Variants in PTPRK observed in about 807,000 individuals in gnomAD.
PTPRK encodes the protein protein tyrosine phosphatase receptor type K.
Under a neutral mutation model 178.0 loss-of-function variants are expected in PTPRK, and 75 were observed. The ratio of observed to expected loss-of-function variants is 0.42; its 90% confidence interval spans 0.35 to 0.51. The LOEUF is 0.51. Ranked by LOEUF, PTPRK falls within the 20% of genes least tolerant of loss-of-function variation. The probability of loss-of-function intolerance (pLI) is 0.02; values close to 1 mark genes in which losing one functional copy is unlikely to be tolerated. For synonymous variants in PTPRK, 637 were observed against 620.6 expected, an observed-to-expected ratio of 1.03 and a Z score of -0.39; for missense variants, 1,441 against 1,797.8, an observed-to-expected ratio of 0.80 and a Z score of 3.59.
intron 25 of PTPRK, among the ~76,000 whole-genome samples, chr6:127,978,247 C>T (rs1356424889): frequency 1.3e-5 from 2 of 152,150 alleles, no homozygotes; most frequent in Non-Finnish European, 2.9e-5. Context: ...CTCTGTGTCC[C>T]CACCCAAATC....
chr6:128,208,298 CAA>C lies in PTPRK; in HGVS notation c.868+10622_868+10623del, dbSNP rs3058186. On this transcript the variant is annotated intron_variant, in intron 6 of 29. Coordinates refer to ENST00000368226, the MANE Select transcript of PTPRK (RefSeq NM_002844.4). ...CTGTTAGCCAAAAGTCCTACACCCTCAAAAAAAAAAAAAAAAAATTCCCTCTC... is the reference window on the plus strand; with the variant it reads ...CTGTTAGCCAAAAGTCCTACACCCTCAAAAAAAAAAAAAAAATTCCCTCTC... Among the ~76,000 whole-genome samples the C allele has an allele frequency of 9.9e-4, 104 of 104,972 alleles. 1 individual carries two copies. The highest frequency in any genetic ancestry group is 2.3e-3 in the African/African-American group (68 of 30,146). 68.9% of individuals were successfully genotyped at this position (104,972 alleles called of 152,430 possible).
intron 2 of PTPRK, among the ~76,000 whole-genome samples, chr6:128,370,663 T>C (rs1267559669): frequency 6.6e-6 from 1 of 152,166 alleles, no homozygotes; most frequent in African/African-American, 2.4e-5. Context: ...CAAATTTTTA[T>C]ATAAAAGTCC....
At chr6:128,159,745 A>G (rs1798429581) in intron 7 of PTPRK, among the ~76,000 whole-genome samples, 1 of 151,732 alleles carries the variant, frequency 6.6e-6, no homozygotes, top group Non-Finnish European at 1.5e-5. Context: ...GGTACCAATA[A>G]AGTCTATTTC....
intron 6 of PTPRK, 123 bp downstream of exon 6, chr6:128,218,799 A>G (rs2128271658): frequency 2.2e-6 from 2 of 916,568 alleles, no homozygotes; most frequent in African/African-American, 3.4e-5. Flanking sequence ...ATGATGATAT[A>G]TTTTTTATAG....
At chr6:128,244,200 G>A (rs934012907) in intron 3 of PTPRK, among the ~76,000 whole-genome samples, 2 of 152,182 alleles carry the variant, frequency 1.3e-5, no homozygotes, top group Admixed American at 1.3e-4. Context: ...ATTTGCCTAT[G>A]ATAACACACA....
Position 128,061,484 on chromosome 6 carries a change from G to A in PTPRK, c.2194+3274C>T, listed in dbSNP as rs185393760. Among the ~76,000 whole-genome samples, 55 of 152,046 alleles carry A rather than the reference G, an allele frequency of 3.6e-4. 1 individual carries two copies. In the East Asian group the frequency reaches 5.4e-3, roughly 15 times the overall value. On this transcript the variant is annotated intron_variant, in intron 13 of 29. Transcript: ENST00000368226. ...ATTGATCTAAATACAAAGGATATTA[G>A]GAAAGCAAGGTTCTAGCAAGGTTCT...
chr6:128,369,921 C>A (rs950415272), intron 2 of PTPRK, among the ~76,000 whole-genome samples: 1 of 151,850 alleles, frequency 6.6e-6, no homozygotes, highest in African/African-American at 2.4e-5. Context: ...GAAAAAAAAA[C>A]ATTCAAACTT....
intron 3 of PTPRK, among the ~76,000 whole-genome samples, chr6:128,319,906 G>C (rs1828551999): frequency 6.6e-6 from 1 of 152,086 alleles, no homozygotes; most frequent in Non-Finnish European, 1.5e-5. Context: ...TGAGCACTAA[G>C]CACATGAATA....
At chr6:128,470,861 T>G (rs1234379808) in intron 1 of PTPRK, among the ~76,000 whole-genome samples, 1 of 148,354 alleles carries the variant, frequency 6.7e-6, no homozygotes, top group South Asian at 2.1e-4. Context: ...AAAAAGAAAC[T>G]ATAGTACACA....
intron 7 of PTPRK, among the ~76,000 whole-genome samples, chr6:128,102,083 T>C (rs1562586252): frequency 6.6e-6 from 1 of 152,196 alleles, no homozygotes; most frequent in Non-Finnish European, 1.5e-5. Context: ...TTATGTAAAC[T>C]GAGTCTTGAA....
At chr6:128,516,539 T>C (rs1858058324) in intron 1 of PTPRK, among the ~76,000 whole-genome samples, 1 of 152,104 alleles carries the variant, frequency 6.6e-6, no homozygotes, top group Admixed American at 6.5e-5. Flanking sequence ...GCAAGCTGGC[T>C]CCAAAGTATC....
At position 128,403,214 on chromosome 6, in the gene PTPRK, G is replaced by A. The variant is rs572013876; in HGVS notation, c.101-5526C>T. On this transcript the variant is annotated intron_variant, in intron 1 of 29. Transcript: ENST00000368226. ...CTTCTATTCAAACTGTATATTATTCGAAGCAGATGCTCCACTCCAACTAAA... is the reference window on the plus strand; with the variant it reads ...CTTCTATTCAAACTGTATATTATTCAAAGCAGATGCTCCACTCCAACTAAA... Among the ~76,000 whole-genome samples, 8 of 152,164 alleles carry A rather than the reference G, an allele frequency of 5.3e-5. No homozygotes were observed. The South Asian group carries it at 1.0e-3, about 20-fold the overall frequency.
At chr6:128,260,472 T>A (rs1818015437) in intron 3 of PTPRK, among the ~76,000 whole-genome samples, 1 of 152,122 alleles carries the variant, frequency 6.6e-6, no homozygotes, top group Non-Finnish European at 1.5e-5. Context: ...GCAAATGGCA[T>A]GTAGTAAGCC....
At chr6:128,392,284 C>G (rs939561180) in intron 2 of PTPRK, among the ~76,000 whole-genome samples, 1 of 152,072 alleles carries the variant, frequency 6.6e-6, no homozygotes, top group Non-Finnish European at 1.5e-5. Flanking sequence ...ACTATATATA[C>G]AGTGTGTGCA....
At chr6:128,366,796 G>A (rs1194406949) in intron 2 of PTPRK, among the ~76,000 whole-genome samples, 1 of 152,112 alleles carries the variant, frequency 6.6e-6, no homozygotes, top group African/African-American at 2.4e-5. Context: ...AAAAGAGAGT[G>A]AATTAAAATC....
At chr6:128,251,142 A>G (rs1195764816) in intron 3 of PTPRK, among the ~76,000 whole-genome samples, 1 of 152,160 alleles carries the variant, frequency 6.6e-6, no homozygotes, top group Non-Finnish European at 1.5e-5. Flanking sequence ...TTACTTGTTT[A>G]CTTAGTTCCT....
At chr6:128,450,781 T>TA (rs1471715643) in intron 1 of PTPRK, among the ~76,000 whole-genome samples, 1 of 152,242 alleles carries the variant, frequency 6.6e-6, no homozygotes, top group African/African-American at 2.4e-5. Flanking sequence ...AATTAATTGT[T>TA]AAAATCACAA....
intron 2 of PTPRK, among the ~76,000 whole-genome samples, chr6:128,393,690 G>A (rs572976885): frequency 2.6e-5 from 4 of 152,270 alleles, no homozygotes; most frequent in Middle Eastern, 3.4e-3. Context: ...TTATTTAGTA[G>A]GGAGGAGAGA....
intron 13 of PTPRK, among the ~76,000 whole-genome samples, chr6:128,011,878 T>C (rs1304558503): frequency 6.6e-6 from 1 of 151,216 alleles, no homozygotes; most frequent in East Asian, 1.9e-4. Flanking sequence ...CATAATCTAT[T>C]ATGCAAATCA....
Sources: gnomAD v4.1 joint callset for allele counts (sites outside exome capture counted in the v4.1 genomes callset) on GRCh38, gnomAD v4.1.1 for gene constraint, MANE v1.5 for transcripts, NCBI Gene and HGNC (gene_info 2026-07-23, HGNC 2026-07-21) for gene names.